DLG2: variants seen among roughly 807,000 people sequenced by gnomAD.
DLG2 encodes the protein disks large homolog 2.
Under a neutral mutation model 132.5 loss-of-function variants are expected in DLG2, and 45 were observed. The observed-to-expected ratio is 0.34, with a 90% confidence interval of 0.27 to 0.44. The LOEUF (loss-of-function observed/expected upper bound fraction) is 0.44. Among genes scored for constraint, DLG2 ranks in the 20% least tolerant of loss-of-function variants. The pLI, the probability that DLG2 is intolerant of heterozygous loss-of-function variation, is 1.00. For synonymous variants in DLG2, 424 were observed against 419.6 expected (o/e 1.01, Z -0.13); for missense variants, 1,045 against 1,196.9 (o/e 0.87, Z 1.87).
At chr11:83,588,259 A>G (rs4357713) in intron 19 of DLG2, among the ~76,000 whole-genome samples, 67,190 of 146,516 alleles carry the variant, frequency 0.46, 16,070 homozygotes, top group Admixed American at 0.57. Flanking sequence ...AGAGAGCAGT[A>G]GTTCTCCCAG....
intron 5 of DLG2, among the ~76,000 whole-genome samples, chr11:85,151,736 C>T (rs1374910716): frequency 2.0e-5 from 3 of 152,180 alleles, no homozygotes; most frequent in Non-Finnish European, 4.4e-5. Flanking sequence ...TTCTCTTTCA[C>T]TGATGAATAT....
At chr11:83,509,393 G>C (rs2094893782) in intron 21 of DLG2, among the ~76,000 whole-genome samples, 1 of 152,180 alleles carries the variant, frequency 6.6e-6, no homozygotes, top group African/African-American at 2.4e-5. Flanking sequence ...AAACAGGAAA[G>C]TCCTAACTGG....
chr11:83,958,831 A>T (rs559839637), intron 14 of DLG2, among the ~76,000 whole-genome samples: 1 of 152,254 alleles, frequency 6.6e-6, no homozygotes, highest in South Asian at 2.1e-4. Context: ...CAGCCAAAAA[A>T]ATAGTGCACA....
At chr11:85,550,636 G>C (rs980849450) in intron 3 of DLG2, among the ~76,000 whole-genome samples, 4 of 152,212 alleles carry the variant, frequency 2.6e-5, no homozygotes, top group Non-Finnish European at 1.5e-5. Flanking sequence ...TCCCATGAAG[G>C]GGTCAGGGAA....
intron 6 of DLG2, among the ~76,000 whole-genome samples, chr11:85,048,677 T>C (rs1246390954): frequency 1.3e-5 from 2 of 151,966 alleles, no homozygotes; most frequent in Admixed American, 6.6e-5. Context: ...TCTGTAAAAA[T>C]AGAGTCGGGA....
chr11:85,549,565 G>GC (rs1236381720), intron 3 of DLG2, among the ~76,000 whole-genome samples: 28 of 152,186 alleles, frequency 1.8e-4, no homozygotes, highest in Non-Finnish European at 3.8e-4. Flanking sequence ...TTGAGCCAGA[G>GC]CAACTCCATC....
rs1566975886 is a variant in DLG2 at position 84,222,676 on chromosome 11, G to A, written c.573+28562C>T. Among the ~76,000 whole-genome samples, 3 of 152,238 alleles carry A rather than the reference G, an allele frequency of 2.0e-5. No homozygotes were observed. In the South Asian group the frequency reaches 6.2e-4, roughly 32 times the overall value. ...CCTGAGAACCTGAGGCTCACCTGGA[G>A]AGATCAGTGGATGTGTACAAAGTCA... On this transcript the variant is annotated intron_variant, in intron 8 of 27. Transcript: ENST00000376104.
At chr11:84,312,173 A>G (rs913458463) in intron 7 of DLG2, among the ~76,000 whole-genome samples, 2 of 152,186 alleles carry the variant, frequency 1.3e-5, no homozygotes, top group African/African-American at 4.8e-5. Context: ...TCCTCATTTT[A>G]TAAAACAGAA....
chr11:84,170,163 G>A (rs943829418), intron 8 of DLG2, among the ~76,000 whole-genome samples: 1 of 152,082 alleles, frequency 6.6e-6, no homozygotes, highest in African/African-American at 2.4e-5. Context: ...CAAAAATTGA[G>A]TTGTGTTTAA....
At chr11:84,502,259 CT>C (rs2099214681) in intron 7 of DLG2, among the ~76,000 whole-genome samples, 1 of 33,592 alleles carries the variant, frequency 3.0e-5, no homozygotes, top group Non-Finnish European at 5.0e-5. Context: ...TCCTTCCTTC[CT>C]TCCTTCCTTC....
rs1007061062 is a variant in DLG2 at position 85,117,485 on chromosome 11, T to C, written c.283-5750A>G. On this transcript the variant is annotated intron_variant, in intron 5 of 27. Transcript: ENST00000376104. ...TTTGGTTATTCTTACTGTTATTATA[T>C]GTCAGGTTCGGAAGGCAAAAAACAC... is the stretch of plus-strand genomic sequence containing the variant. Among the ~76,000 whole-genome samples, 5 of 151,980 alleles carry C rather than the reference T, an allele frequency of 3.3e-5. No individual in the cohort carries two copies. In the East Asian group the frequency reaches 9.6e-4, roughly 29 times the overall value.
chr11:83,616,034 C>A (rs2153421892), intron 19 of DLG2, among the ~76,000 whole-genome samples: 1 of 152,052 alleles, frequency 6.6e-6, no homozygotes, highest in Non-Finnish European at 1.5e-5. Flanking sequence ...GTGTGTCTGG[C>A]TTATTGTACT....
intron 7 of DLG2, among the ~76,000 whole-genome samples, chr11:84,496,222 A>T (rs2099183331): frequency 6.6e-6 from 1 of 152,176 alleles, no homozygotes. Context: ...ATCCAGTTTC[A>T]TGTTTACTTA....
intron 3 of DLG2, among the ~76,000 whole-genome samples, chr11:85,535,878 G>C (rs1018320177): frequency 6.6e-6 from 1 of 152,180 alleles, no homozygotes; most frequent in Non-Finnish European, 1.5e-5. Context: ...AAAGAAGCTA[G>C]TCACAAAAGG....
intron 7 of DLG2, among the ~76,000 whole-genome samples, chr11:84,445,366 G>A (rs1042716336): frequency 1.3e-5 from 2 of 152,046 alleles, no homozygotes; most frequent in Non-Finnish European, 2.9e-5. Context: ...TCCCTGAACT[G>A]AATGATAGTA....
chr11:85,432,378 T>C (rs1052278328), intron 3 of DLG2, among the ~76,000 whole-genome samples: 1 of 152,106 alleles, frequency 6.6e-6, no homozygotes, highest in African/African-American at 2.4e-5. Context: ...CAAACTTCAC[T>C]GAGGTAAAGC....
chr11:84,040,704 G>A (rs1249465300), intron 11 of DLG2, among the ~76,000 whole-genome samples: 2 of 150,476 alleles, frequency 1.3e-5, no homozygotes, highest in Non-Finnish European at 3.0e-5. Context: ...GGTGATGCGG[G>A]CTCTTTTTTG....
rs79793549 is a variant in DLG2, at chr11:85,102,508, T to C, written c.357+9153A>G. Among the ~76,000 whole-genome samples, 216 of 152,086 alleles carry C rather than the reference T, an allele frequency of 1.4e-3. 1 individual carries two copies. Among genetic ancestry groups the C allele is most frequent in the African/African-American group, 5.1e-3 (212 of 41,542 alleles). ...GAAAAGGGCTTCTTAATATTCTCAA[T>C]AGAAAGCCAATACATTATTTTAGCA... On this transcript the variant is annotated intron_variant, in intron 6 of 27. Coordinates refer to ENST00000376104, the MANE Select transcript of DLG2 (RefSeq NM_001142699.3).
At chr11:84,478,532 T>C (rs1319609080) in intron 7 of DLG2, among the ~76,000 whole-genome samples, 1 of 152,112 alleles carries the variant, frequency 6.6e-6, no homozygotes, top group Non-Finnish European at 1.5e-5. Context: ...GTGTAAATAA[T>C]ACTACATATG....
Sources: allele counts gnomAD v4.1 joint callset (sites outside exome capture counted in the v4.1 genomes callset), GRCh38; gene constraint gnomAD v4.1.1; transcripts MANE v1.5; gene names NCBI Gene and HGNC (gene_info 2026-07-23, HGNC 2026-07-21).